The following GNAI1 variants were observed in gnomAD, a reference collection of about 807,000 sequenced individuals.
GNAI1 encodes guanine nucleotide-binding protein G(i) subunit alpha-1.
Under a neutral mutation model 38.9 loss-of-function variants are expected in GNAI1, and 11 were observed. The ratio of observed to expected loss-of-function variants is 0.28; its 90% confidence interval spans 0.18 to 0.47. The LOEUF (loss-of-function observed/expected upper bound fraction) is 0.47. GNAI1 is among the 20% of genes least tolerant of loss of function. The pLI is 0.99. For synonymous variants in GNAI1, 166 were observed against 145.1 expected (o/e 1.14, Z -1.04); for missense variants, 317 against 436.9 (o/e 0.73, Z 2.45).
chr7:80,155,073 T>A (rs1405220602), intron 1 of GNAI1, among the ~76,000 whole-genome samples: 1 of 152,198 alleles, frequency 6.6e-6, no homozygotes, highest in Non-Finnish European at 1.5e-5. Context: ...CAAGTTTAAA[T>A]GTATTGTTTG....
Position 80,212,858 on chromosome 7 carries a change from C to G in GNAI1, c.863C>G (p.Pro288Arg). The G allele has an allele frequency of 6.4e-7, 1 of 1,559,494 alleles. No homozygotes were observed. The highest frequency in any genetic ancestry group is 1.2e-5 in the South Asian group (1 of 80,286). ...AAGAGCCCTCTCACTATATGCTATC[C>G]AGAATATGCAGGTATTTTCCTTTTC... ...IKKSPLTICYPEYAGSNTYEE... is the reference protein window; with the variant it reads ...IKKSPLTICYREYAGSNTYEE... Residue 288 changes from proline to arginine, a missense_variant, in exon 7 of 8, where the codon CCA becomes CGA. Around this residue, in one of 5 missense-constraint regions of GNAI1, gnomAD observed 158 missense variants for 234.7 expected, o/e 0.67. Transcript: ENST00000649796.
At chr7:80,168,532 T>C (rs571781873) in intron 1 of GNAI1, among the ~76,000 whole-genome samples, 1 of 152,074 alleles carries the variant, frequency 6.6e-6, no homozygotes, top group South Asian at 2.1e-4. Context: ...GGACTACAGG[T>C]GCCCGCCACC....
intron 1 of GNAI1, among the ~76,000 whole-genome samples, chr7:80,165,136 T>G (rs1434417308): frequency 1.3e-5 from 2 of 152,204 alleles, no homozygotes; most frequent in Non-Finnish European, 2.9e-5. Context: ...AGGAGTTTTA[T>G]GATTCTGAAT....
chr7:80,184,318 G>T (rs1788352422), intron 1 of GNAI1, among the ~76,000 whole-genome samples: 1 of 152,146 alleles, frequency 6.6e-6, no homozygotes, highest in Non-Finnish European at 1.5e-5. Flanking sequence ...GTGCAGTTTG[G>T]CCTTTTGACT....
At chr7:80,195,780 G>C (rs979408495) in intron 3 of GNAI1, among the ~76,000 whole-genome samples, 1 of 151,872 alleles carries the variant, frequency 6.6e-6, no homozygotes, top group Non-Finnish European at 1.5e-5. Flanking sequence ...ATAGTCATCT[G>C]ACCTTTGCTT....
At chr7:80,135,817 C>T (rs959269599) in intron 1 of GNAI1, 6 of 985,200 alleles carry the variant, frequency 6.1e-6, no homozygotes, top group African/African-American at 1.7e-5. Flanking sequence ...CTGTTAACTT[C>T]CTATGGCGAC....
chr7:80,210,747 G>A (rs1295180138), intron 5 of GNAI1, among the ~76,000 whole-genome samples: 1 of 133,994 alleles, frequency 7.5e-6, no homozygotes, highest in African/African-American at 2.9e-5. Flanking sequence ...TTTTTTTTTA[G>A]AGATACCCTC....
intron 3 of GNAI1, among the ~76,000 whole-genome samples, chr7:80,192,107 C>T (rs187815863): frequency 3.9e-5 from 6 of 152,290 alleles, no homozygotes; most frequent in Admixed American, 6.5e-5. Flanking sequence ...TTGCATATTG[C>T]AAACACTTTT....
chr7:80,189,168 A>C lies in GNAI1; in HGVS notation c.240A>C (p.Ser80=). ...KAVVYSNTIQ[S]IIAIIRAMGR... ...TGGTCTACAGTAACACCATCCAGTC[A>C]ATTATTGCTATCATTAGGGCTATGG... The change falls in exon 3 of 8, where the codon TCA becomes TCC. Residue 80 remains serine (S), a synonymous_variant. Coordinates refer to ENST00000649796, the MANE Select transcript of GNAI1 (RefSeq NM_002069.6). 1 of 1,606,556 alleles carries C rather than the reference A, an allele frequency of 6.2e-7. No individual in the cohort carries two copies. The highest frequency in any genetic ancestry group is 8.5e-7 in the Non-Finnish European group (1 of 1,177,494).
rs929016721 is a variant in GNAI1 at position 80,177,341 on chromosome 7, T to C, written c.119-11610T>C. On this transcript the variant is annotated intron_variant, in intron 1 of 7. Transcript: ENST00000649796. ...CACCGCGCCCGGCCAGCGTATCTTT[T>C]TAGAGCGTGGTTTTCCTAATATCTT... Among the ~76,000 whole-genome samples, 35 of 152,150 alleles carry C rather than the reference T, an allele frequency of 2.3e-4. 1 individual carries two copies. Among genetic ancestry groups the C allele is most frequent in the Non-Finnish European group, 8.8e-5 (6 of 68,024 alleles).
intron 3 of GNAI1, among the ~76,000 whole-genome samples, chr7:80,193,283 T>G (rs1788512900): frequency 6.6e-6 from 1 of 152,164 alleles, no homozygotes; most frequent in Non-Finnish European, 1.5e-5. Flanking sequence ...TTACTTAGTA[T>G]ATAGGTTGAT....
chr7:80,166,680 G>A (rs756656629), intron 1 of GNAI1, among the ~76,000 whole-genome samples: 2 of 152,146 alleles, frequency 1.3e-5, no homozygotes, highest in South Asian at 2.1e-4. Flanking sequence ...AATGACATGG[G>A]TGCTTTGGCA....
intron 1 of GNAI1, among the ~76,000 whole-genome samples, chr7:80,153,828 C>T (rs1448759341): frequency 6.6e-6 from 1 of 152,132 alleles, no homozygotes; most frequent in Non-Finnish European, 1.5e-5. Context: ...TTTCCTTGAG[C>T]ATAACTCCTA....
At position 80,135,187 on chromosome 7, in the gene GNAI1, C is replaced by T. The variant is rs760895601; in HGVS notation, c.27C>T (p.Asp9=). 1 of 1,549,214 alleles carries T rather than the reference C, an allele frequency of 6.5e-7. No homozygotes were observed. The highest frequency in any genetic ancestry group is 8.7e-7 in the Non-Finnish European group (1 of 1,148,894). ...TGGGCTGCACGCTGAGCGCCGAGGA[C>T]AAGGCGGCGGTGGAGCGGAGTAAGA... The part of the protein sequence containing the change: MGCTLSAE[D]KAAVERSKMI... The change falls in exon 1 of 8, where the codon GAC becomes GAT. Residue 9 remains aspartate, a synonymous_variant. Coordinates refer to ENST00000649796, the MANE Select transcript of GNAI1 (RefSeq NM_002069.6).
intron 1 of GNAI1, among the ~76,000 whole-genome samples, chr7:80,137,785 C>G (rs1787452010): frequency 6.6e-6 from 1 of 152,182 alleles, no homozygotes; most frequent in Admixed American, 6.5e-5. Flanking sequence ...CCCTGCTGGC[C>G]CAGCACTCTC....
chr7:80,168,855 C>T (rs762518798), intron 1 of GNAI1, among the ~76,000 whole-genome samples: 21 of 152,126 alleles, frequency 1.4e-4, no homozygotes, highest in African/African-American at 2.2e-4. Context: ...CACTATCCTA[C>T]GTTTCTAAAA....
intron 1 of GNAI1, among the ~76,000 whole-genome samples, chr7:80,163,325 C>T (rs956653149): frequency 4.6e-5 from 7 of 152,152 alleles, no homozygotes; most frequent in African/African-American, 1.7e-4. Flanking sequence ...AGGTTCATAC[C>T]TGTTTACCAA....
chr7:80,174,101 GAGATGGGA>G (rs1788142310), intron 1 of GNAI1, among the ~76,000 whole-genome samples: 1 of 152,122 alleles, frequency 6.6e-6, no homozygotes, highest in Non-Finnish European at 1.5e-5. Flanking sequence ...TATGAGTGAT[GAGATGGGA>G]AGATGGGTAG....
chr7:80,200,345 A>AAC (rs1162299218), intron 4 of GNAI1, among the ~76,000 whole-genome samples: 93 of 150,742 alleles, frequency 6.2e-4, no homozygotes, highest in African/African-American at 2.0e-3. Flanking sequence ...AAAAAAAAAA[A>AAC]AACCTAATCA....
Sources: allele counts gnomAD v4.1 joint callset (sites outside exome capture counted in the v4.1 genomes callset), GRCh38; gene constraint gnomAD v4.1.1; regional missense constraint gnomAD v4.1.1; transcripts MANE v1.5; gene names NCBI Gene and HGNC (gene_info 2026-07-23, HGNC 2026-07-21).